CACNA1E: variants seen among roughly 807,000 people sequenced by gnomAD.
CACNA1E encodes the protein voltage-dependent R-type calcium channel subunit alpha-1E.
CACNA1E carries 40 observed loss-of-function variants against 259.2 expected under a neutral mutation model. The observed-to-expected ratio is 0.15, with a 90% confidence interval of 0.12 to 0.20. CACNA1E has a LOEUF of 0.20. CACNA1E is among the 10% of genes least tolerant of loss of function. The probability of loss-of-function intolerance (pLI) is 1.00; values close to 1 mark genes in which losing one functional copy is unlikely to be tolerated. For synonymous variants in CACNA1E, 1,104 were observed against 1,138.5 expected (o/e 0.97, Z 0.61); for missense variants, 1,874 against 3,040.1 (o/e 0.62, Z 9.02).
chr1:181,549,347 C>T (rs1185292942), intron 3 of CACNA1E, among the ~76,000 whole-genome samples: 3 of 152,158 alleles, frequency 2.0e-5, no homozygotes, highest in Admixed American at 2.0e-4. Context: ...GGTAGGGTAC[C>T]AAGGGGCCAG....
At chr1:181,352,888 G>A (rs768074532) in intron 1 of CACNA1E, among the ~76,000 whole-genome samples, 1 of 142,926 alleles carries the variant, frequency 7.0e-6, no homozygotes, top group African/African-American at 2.8e-5. Flanking sequence ...AGGGCTTAGT[G>A]TGGGCTGCAA....
At chr1:181,653,169 T>C (rs1369069058) in intron 7 of CACNA1E, among the ~76,000 whole-genome samples, 1 of 152,114 alleles carries the variant, frequency 6.6e-6, no homozygotes, top group Admixed American at 6.5e-5. Context: ...CATTTTCTTA[T>C]AGTTCTGAAG....
chr1:181,739,474 G>A (rs538990074), intron 25 of CACNA1E, among the ~76,000 whole-genome samples: 47 of 152,282 alleles, frequency 3.1e-4, no homozygotes, highest in African/African-American at 8.9e-4. Flanking sequence ...AGTAGGGAGC[G>A]TCAGGAGGGA....
At chr1:181,713,563 G>GT (rs1653599750) in intron 8 of CACNA1E, among the ~76,000 whole-genome samples, 1 of 152,156 alleles carries the variant, frequency 6.6e-6, no homozygotes, top group Non-Finnish European at 1.5e-5. Flanking sequence ...TGTACTCTCA[G>GT]TTTTATCTGT....
In CACNA1E at chr1:181,488,748, G is replaced by A. The variant is rs539604071; in HGVS notation, c.266+4738G>A. 2.3e-3 allele frequency among the ~76,000 whole-genome samples: 344 copies of A among 152,240 alleles called. 2 individuals carry two copies. The highest frequency in any genetic ancestry group is 3.6e-3 in the Non-Finnish European group (245 of 68,022). ...TCCACTTGCTTTTTCTGCAATAGGCGCAGTGCATGCTATGAATTAAAGGAG... is the reference window on the plus strand; with the variant it reads ...TCCACTTGCTTTTTCTGCAATAGGCACAGTGCATGCTATGAATTAAAGGAG... On this transcript the variant is annotated intron_variant, in intron 1 of 47. Transcript: ENST00000367573.
chr1:181,562,175 T>C (rs1485295585), intron 3 of CACNA1E, among the ~76,000 whole-genome samples: 1 of 152,146 alleles, frequency 6.6e-6, no homozygotes, highest in East Asian at 1.9e-4. Context: ...TATGTGAAAA[T>C]ATTGCCCTCA....
chr1:181,716,458 A>G (rs557595335), intron 10 of CACNA1E, among the ~76,000 whole-genome samples: 18 of 152,312 alleles, frequency 1.2e-4, no homozygotes, highest in African/African-American at 4.1e-4. Flanking sequence ...ACTATGGGAC[A>G]TTGTTCAAAG....
intron 6 of CACNA1E, among the ~76,000 whole-genome samples, chr1:181,622,378 G>T (rs1655804500): frequency 6.6e-6 from 1 of 152,178 alleles, no homozygotes; most frequent in African/African-American, 2.4e-5. Context: ...TGCTAGGGCT[G>T]CCATAACAAA....
At chr1:181,535,669 C>A (rs984857104) in intron 3 of CACNA1E, among the ~76,000 whole-genome samples, 2 of 151,396 alleles carry the variant, frequency 1.3e-5, no homozygotes, top group Non-Finnish European at 2.9e-5. Context: ...ATAGTGCTTC[C>A]AATATCAACA....
chr1:181,574,710 CT>C (rs1650773582), intron 3 of CACNA1E, among the ~76,000 whole-genome samples: 1 of 152,104 alleles, frequency 6.6e-6, no homozygotes, highest in Admixed American at 6.6e-5. Context: ...GGCTATTTTC[CT>C]TTATTGTCTT....
At chr1:181,379,550 G>A (rs191200462) in intron 1 of CACNA1E, among the ~76,000 whole-genome samples, 9 of 152,264 alleles carry the variant, frequency 5.9e-5, no homozygotes, top group African/African-American at 1.7e-4. Flanking sequence ...GCTGGTAAAC[G>A]TGAGATCAAG....
chr1:181,610,414 A>G (rs1654646406), intron 6 of CACNA1E, among the ~76,000 whole-genome samples: 1 of 152,232 alleles, frequency 6.6e-6, no homozygotes, highest in Non-Finnish European at 1.5e-5. Flanking sequence ...CCCAAGTGCT[A>G]TGTCTTTGTC....
rs1417266677 is a variant in CACNA1E, at chr1:181,804,050, A to T, written c.*5216A>T. ...GCAAAAGGAGATTTTATAATAAGCC[A>T]TGCTACCTGTAAATACATTATTGAG... On this transcript the variant is annotated 3_prime_UTR_variant, in exon 48 of 48. Transcript: ENST00000367573. 1 of 152,224 alleles carries T rather than the reference A, an allele frequency of 6.6e-6. No homozygotes were observed. Among genetic ancestry groups the T allele is most frequent in the African/African-American group, 2.4e-5 (1 of 41,464 alleles). 9.4% of individuals were successfully genotyped at this position (152,224 alleles called of 1,614,324 possible).
At chr1:181,625,356 C>G (rs1656102964) in intron 6 of CACNA1E, among the ~76,000 whole-genome samples, 1 of 152,172 alleles carries the variant, frequency 6.6e-6, no homozygotes, top group Non-Finnish European at 1.5e-5. Context: ...TTATGAAAGT[C>G]CTAGATGGCA....
At chr1:181,630,496 G>A (rs1391797860) in intron 6 of CACNA1E, among the ~76,000 whole-genome samples, 14 of 152,000 alleles carry the variant, frequency 9.2e-5, no homozygotes, top group Admixed American at 7.2e-4. Context: ...TCCCACTGAG[G>A]GGGCAGGCAG....
At chr1:181,510,098 G>A (rs1196288855) in intron 1 of CACNA1E, among the ~76,000 whole-genome samples, 3 of 152,152 alleles carry the variant, frequency 2.0e-5, no homozygotes, top group Admixed American at 6.5e-5. Context: ...AGGGGTCTGC[G>A]ATGGCATTAA....
chr1:181,728,407 G>A (rs903420738), intron 18 of CACNA1E, among the ~76,000 whole-genome samples: 3 of 152,226 alleles, frequency 2.0e-5, no homozygotes, highest in Non-Finnish European at 4.4e-5. Flanking sequence ...GTGGAAGGAC[G>A]TGCTGCAAAC....
At chr1:181,519,722 A>T (rs1666853343) in intron 3 of CACNA1E, among the ~76,000 whole-genome samples, 1 of 152,038 alleles carries the variant, frequency 6.6e-6, no homozygotes, top group Admixed American at 6.6e-5. Context: ...ATGCCTTACT[A>T]CCCCTGGCGA....
intron 6 of CACNA1E, among the ~76,000 whole-genome samples, chr1:181,638,158 C>G (rs199969): frequency 0.69 from 104,649 of 151,962 alleles, 38,044 homozygotes; most frequent in East Asian, 0.94. Flanking sequence ...TCACTTGCCC[C>G]ACTTTACAAG....
Sources: gnomAD v4.1 joint callset for allele counts (sites outside exome capture counted in the v4.1 genomes callset) on GRCh38, gnomAD v4.1.1 for gene constraint, MANE v1.5 for transcripts, NCBI Gene and HGNC (gene_info 2026-07-23, HGNC 2026-07-21) for gene names.